CD6: variants seen among roughly 807,000 people sequenced by gnomAD.
CD6 encodes the protein T-cell differentiation antigen CD6.
A neutral mutation model predicts 75.3 loss-of-function variants in CD6; 53 were observed. The ratio of observed to expected loss-of-function variants is 0.70; its 90% CI spans 0.56 to 0.88. The LOEUF is 0.88. Among genes scored for constraint, CD6 ranks in the 40% least tolerant of loss-of-function variants. The pLI, the probability that CD6 is intolerant of heterozygous loss-of-function variation, is 0.00. For missense variants in CD6, 770 were observed against 897.1 expected, an observed-to-expected ratio of 0.86 and a Z score of 1.81; for synonymous variants, 359 against 381.5, an observed-to-expected ratio of 0.94 and a Z score of 0.69.
chr11:61,012,929 G>T (rs1419441893), intron 6 of CD6, among the ~76,000 whole-genome samples: 1 of 152,228 alleles, frequency 6.6e-6, no homozygotes, highest in African/African-American at 2.4e-5. Flanking sequence ...CACAGAGAAT[G>T]AAGTGCCTTT....
Position 61,009,798 on chromosome 11 carries a change from C to G in CD6, c.1008C>G (p.Thr336=). The G allele has an allele frequency of 6.2e-7, 1 of 1,608,998 alleles. No individual in the cohort carries two copies. The highest frequency in any genetic ancestry group is 1.1e-5 in the South Asian group (1 of 90,346). The change falls in exon 5 of 13, where the codon ACC becomes ACG. Residue 336 remains threonine, a synonymous_variant. Coordinates refer to ENST00000313421, the MANE Select transcript of CD6 (RefSeq NM_006725.5). ...ACTCATGCAATGGGGAGGAGCTCAC[C>G]CTCTCCAACTGCTCCTGGCGGTTCA... The part of the protein sequence containing the change: ...MYYSCNGEEL[T]LSNCSWRFNN...
chr11:61,011,080 T>C lies in CD6; in HGVS notation c.1095T>C (p.Ser365=). The part of the protein sequence containing the change: ...AARVLCSASR[S]LHNLSTPEVP... ...GGTGCTTTCTGACAGCTTCCCGGAG[T>C]TTGCACAATCTGTCCACTCCCGAAG... Residue 365 remains serine (S), a synonymous_variant, in exon 6 of 13, where the codon AGT becomes AGC. Coordinates refer to ENST00000313421, the MANE Select transcript of CD6 (RefSeq NM_006725.5). 1.9e-6 allele frequency: 3 copies of C among 1,613,862 alleles called. No individual in the cohort carries two copies. The highest frequency in any genetic ancestry group is 1.7e-5 in the Admixed American group (1 of 59,990).
At chr11:60,977,853 T>C (rs1857419248) in intron 1 of CD6, among the ~76,000 whole-genome samples, 1 of 152,200 alleles carries the variant, frequency 6.6e-6, no homozygotes, top group South Asian at 2.1e-4. Flanking sequence ...AGAAACTTTA[T>C]ATATCACTCC....
intron 1 of CD6, among the ~76,000 whole-genome samples, chr11:61,000,492 C>T (rs12791045): frequency 0.18 from 27,819 of 152,152 alleles, 3,044 homozygotes; most frequent in Middle Eastern, 0.31. Flanking sequence ...TTCCTCAGCA[C>T]CTCTGACAGT....
chr11:61,017,678 A>G, intron 10 of CD6, 81 bp from the exon 11 acceptor site: 2 of 1,591,906 alleles, frequency 1.3e-6, no homozygotes, highest in African/African-American at 1.3e-5. Context: ...TCCTATAGGC[A>G]GTAAGTGCTT....
At chr11:60,971,979 C>T in intron 1 of CD6, 65 bp downstream of exon 1, 1 of 1,520,304 alleles carries the variant, frequency 6.6e-7, no homozygotes, top group African/African-American at 1.4e-5. Context: ...CCTCTCAGTC[C>T]CCTTTCTGGT....
Position 60,991,896 on chromosome 11 carries a change from A to T in CD6, c.50-14678A>T, listed in dbSNP as rs1218881624. On this transcript the variant is annotated intron_variant, in intron 1 of 12. Coordinates refer to ENST00000313421, the MANE Select transcript of CD6 (RefSeq NM_006725.5). Reference sequence around the variant, plus strand: ...TATATATGTATATATATCTATAGAGAGAGAGACAAAGGATCTCACTCTGTT... The same window carrying T: ...TATATATGTATATATATCTATAGAGTGAGAGACAAAGGATCTCACTCTGTT... Among the ~76,000 whole-genome samples, 5 of 146,930 alleles carry T rather than the reference A, an allele frequency of 3.4e-5. No homozygotes were observed. The East Asian group carries it at 8.0e-4, about 23-fold the overall frequency.
Position 60,999,749 on chromosome 11 carries a change from A to G in CD6, c.50-6825A>G, listed in dbSNP as rs1223088849. 5.3e-5 allele frequency among the ~76,000 whole-genome samples: 8 copies of G among 152,122 alleles called. No individual in the cohort carries two copies. In the East Asian group the frequency reaches 1.5e-3, roughly 29 times the overall value. Reference sequence around the variant, plus strand: ...TTTATTTGTTTGTTTTTATTATGCTATCAGAAACAGCACAGGGTCGGGTTC... The same window carrying G: ...TTTATTTGTTTGTTTTTATTATGCTGTCAGAAACAGCACAGGGTCGGGTTC... On this transcript the variant is annotated intron_variant, in intron 1 of 12. Coordinates refer to ENST00000313421, the MANE Select transcript of CD6 (RefSeq NM_006725.5).
At chr11:60,978,785 C>T (rs912838706) in intron 1 of CD6, among the ~76,000 whole-genome samples, 1 of 152,210 alleles carries the variant, frequency 6.6e-6, no homozygotes, top group African/African-American at 2.4e-5. Context: ...AATTGCATCT[C>T]TGCATGGCCC....
chr11:60,990,984 G>T (rs1652708147), intron 1 of CD6, among the ~76,000 whole-genome samples: 1 of 151,912 alleles, frequency 6.6e-6, no homozygotes, highest in African/African-American at 2.4e-5. Flanking sequence ...GTTACAAACA[G>T]TTCCGCAGAA....
intron 1 of CD6, among the ~76,000 whole-genome samples, chr11:60,972,730 T>C (rs768991361): frequency 6.6e-6 from 1 of 152,032 alleles, no homozygotes; most frequent in Non-Finnish European, 1.5e-5. Context: ...GGGTCCACCT[T>C]GCAGCCAGAG....
rs772074450 is a variant in CD6, at chr11:61,007,771, C to G, written c.330C>G (p.Ala110=). Reference sequence around the variant, plus strand: ...CTGAGCTGCCGCCCCCGCCTGCAGCCGGGAACACCAGCGTAGCAGCTAATG... The same window carrying G: ...CTGAGCTGCCGCCCCCGCCTGCAGCGGGGAACACCAGCGTAGCAGCTAATG... ...PTPELPPPPA[A]GNTSVAANAT... The change falls in exon 3 of 13, where the codon GCC becomes GCG. Residue 110 remains alanine (A), a synonymous_variant. Transcript: ENST00000313421. This position sits in a 1 kb window ranked among gnomAD's most constrained non-coding sequence, Gnocchi z 4.2. 6.8e-7 allele frequency: 1 copy of G among 1,467,694 alleles called. No individual in the cohort carries two copies. The highest frequency in any genetic ancestry group is 9.0e-7 in the Non-Finnish European group (1 of 1,109,674). 90.9% of individuals were successfully genotyped at this position (1,467,694 alleles called of 1,614,324 possible).
chr11:60,978,304 C>T (rs770712623), intron 1 of CD6, among the ~76,000 whole-genome samples: 16 of 152,068 alleles, frequency 1.1e-4, no homozygotes, highest in Non-Finnish European at 1.6e-4. Context: ...ACACATGAGA[C>T]CCCCATTTCA....
chr11:60,974,066 C>T (rs1282643781), intron 1 of CD6, among the ~76,000 whole-genome samples: 3 of 151,880 alleles, frequency 2.0e-5, no homozygotes, highest in Non-Finnish European at 2.9e-5. Flanking sequence ...TGTGTTGGGC[C>T]GACCATATTG....
At chr11:61,018,465 T>C in intron 12 of CD6, 72 bp downstream of exon 12, 1 of 937,456 alleles carries the variant, frequency 1.1e-6, no homozygotes, top group Non-Finnish European at 1.6e-6. Flanking sequence ...TGGGGAACTA[T>C]TGGATGCATT....
chr11:61,006,044 C>T (rs1858841486), intron 1 of CD6, among the ~76,000 whole-genome samples: 1 of 152,198 alleles, frequency 6.6e-6, no homozygotes, highest in Non-Finnish European at 1.5e-5. Flanking sequence ...ACTTTGCAAT[C>T]CAGTGGTTCC....
At chr11:60,986,849 C>G (rs2135050054) in intron 1 of CD6, among the ~76,000 whole-genome samples, 1 of 152,320 alleles carries the variant, frequency 6.6e-6, no homozygotes, top group South Asian at 2.1e-4. Context: ...TTGTCTCTCC[C>G]TGGCGCCGTG....
intron 1 of CD6, among the ~76,000 whole-genome samples, chr11:60,992,778 A>G (rs779001299): frequency 5.3e-5 from 8 of 152,204 alleles, no homozygotes; most frequent in Non-Finnish European, 1.2e-4. Context: ...CAGTGAACCA[A>G]GATCGTGCCA....
chr11:61,011,995 A>G (rs1037619742), intron 6 of CD6, among the ~76,000 whole-genome samples: 2 of 152,220 alleles, frequency 1.3e-5, no homozygotes, highest in African/African-American at 4.8e-5. Context: ...TGCTGTTGCT[A>G]TGAGTATTTA....
Sources: allele counts gnomAD v4.1 joint callset (sites outside exome capture counted in the v4.1 genomes callset), GRCh38; gene constraint gnomAD v4.1.1; non-coding constraint Gnocchi (gnomAD v3.1); transcripts MANE v1.5; gene names NCBI Gene and HGNC (gene_info 2026-07-23, HGNC 2026-07-21).